Variants in IGF2BP3 observed in about 807,000 individuals in gnomAD.
IGF2BP3 encodes insulin-like growth factor 2 mRNA-binding protein 3.
Under a neutral mutation model 73.8 loss-of-function variants are expected in IGF2BP3, and 9 were observed. The ratio of observed to expected loss-of-function variants is 0.12; its 90% CI spans 0.07 to 0.21. The LOEUF is 0.21. Ranked by LOEUF, IGF2BP3 falls within the 10% of genes least tolerant of loss-of-function variation. The probability of loss-of-function intolerance (pLI) is 1.00; values close to 1 mark genes in which losing one functional copy is unlikely to be tolerated. For missense variants in IGF2BP3, 542 were observed against 714.0 expected, an observed-to-expected ratio of 0.76 and a Z score of 2.75; for synonymous variants, 258 against 256.7, an observed-to-expected ratio of 1.01 and a Z score of -0.05.
chr7:23,334,748 A>G (rs1459711673), intron 10 of IGF2BP3, among the ~76,000 whole-genome samples: 2 of 152,212 alleles, frequency 1.3e-5, no homozygotes, highest in Non-Finnish European at 2.9e-5. Context: ...TGCTCAACTG[A>G]AAGTTTGCAT....
At chr7:23,420,397 G>T (rs1360407352) in intron 2 of IGF2BP3, among the ~76,000 whole-genome samples, 1 of 152,132 alleles carries the variant, frequency 6.6e-6, no homozygotes, top group Admixed American at 6.5e-5. Flanking sequence ...AGGATTGCTT[G>T]AGACCAGGAG....
At chr7:23,420,325 T>A (rs1215765636) in intron 2 of IGF2BP3, among the ~76,000 whole-genome samples, 1 of 151,858 alleles carries the variant, frequency 6.6e-6, no homozygotes, top group Non-Finnish European at 1.5e-5. Flanking sequence ...AAAATTTTTT[T>A]AAACTAGCTG....
At chr7:23,401,294 T>G (rs1489790297) in intron 3 of IGF2BP3, among the ~76,000 whole-genome samples, 1 of 152,106 alleles carries the variant, frequency 6.6e-6, no homozygotes, top group East Asian at 1.9e-4. Context: ...GCGGGCCCCC[T>G]GCTGAGGGGG....
chr7:23,337,088 G>C lies in IGF2BP3; in HGVS notation c.1203+4976C>G, dbSNP rs145354423. Among the ~76,000 whole-genome samples the C allele has an allele frequency of 2.3e-3, 345 of 152,318 alleles. 7 individuals are homozygous for C. In the East Asian group the frequency reaches 0.037, roughly 16 times the overall value. On this transcript the variant is annotated intron_variant, in intron 10 of 14. Coordinates refer to ENST00000258729, the MANE Select transcript of IGF2BP3 (RefSeq NM_006547.3). ...GTACACAAAATAGTTAAGTATTAGTGATTTCGGTTTAGAAAAAGAACAAAG... is the reference window on the plus strand; with the variant it reads ...GTACACAAAATAGTTAAGTATTAGTCATTTCGGTTTAGAAAAAGAACAAAG...
At chr7:23,421,450 T>C (rs538760466) in intron 2 of IGF2BP3, among the ~76,000 whole-genome samples, 13 of 151,904 alleles carry the variant, frequency 8.6e-5, no homozygotes, top group African/African-American at 3.1e-4. Flanking sequence ...CCCGGCACTT[T>C]GGGAGGCTGA....
intron 6 of IGF2BP3, among the ~76,000 whole-genome samples, chr7:23,348,752 G>A (rs993764277): frequency 6.6e-6 from 1 of 152,130 alleles, no homozygotes; most frequent in Non-Finnish European, 1.5e-5. Context: ...AAATGTCTAC[G>A]GGGGTTGGGG....
intron 10 of IGF2BP3, among the ~76,000 whole-genome samples, chr7:23,336,555 G>C (rs539015500): frequency 5.3e-5 from 8 of 151,824 alleles, no homozygotes; most frequent in East Asian, 3.9e-4. Context: ...ACCCAGGCGG[G>C]AGTGCAGTGG....
intron 9 of IGF2BP3, 147 bp downstream of exon 9, chr7:23,343,571 T>C (rs892006063): frequency 1.4e-6 from 1 of 704,450 alleles, no homozygotes; most frequent in Admixed American, 2.5e-5. Flanking sequence ...TCTTCCCTAC[T>C]ATCCCAGGGT....
At chr7:23,317,959 C>T in intron 11 of IGF2BP3, 1 of 525,574 alleles carries the variant, frequency 1.9e-6, no homozygotes, top group South Asian at 2.7e-5. Context: ...AGCTAATCCT[C>T]ACCACGTCCT....
intron 2 of IGF2BP3, among the ~76,000 whole-genome samples, chr7:23,420,008 G>C (rs1787299076): frequency 6.6e-6 from 1 of 152,156 alleles, no homozygotes; most frequent in Non-Finnish European, 1.5e-5. Context: ...GGAAGGAAGA[G>C]GGCGACACAT....
chr7:23,370,361 T>C (rs1441956177), intron 3 of IGF2BP3, among the ~76,000 whole-genome samples: 1 of 152,234 alleles, frequency 6.6e-6, no homozygotes, highest in Non-Finnish European at 1.5e-5. Context: ...TTATCATACA[T>C]ACGATCTTAG....
At chr7:23,327,392 T>C (rs1335870369) in intron 10 of IGF2BP3, among the ~76,000 whole-genome samples, 1 of 151,514 alleles carries the variant, frequency 6.6e-6, no homozygotes, top group Non-Finnish European at 1.5e-5. Flanking sequence ...GCCATTCTCC[T>C]GCCTCAGCCT....
intron 9 of IGF2BP3, among the ~76,000 whole-genome samples, chr7:23,342,768 C>T (rs947528893): frequency 2.6e-5 from 4 of 152,016 alleles, no homozygotes; most frequent in South Asian, 2.1e-4. Flanking sequence ...GGGTTGAGGA[C>T]GTAATGTAGA....
chr7:23,378,658 C>A (rs1785808470), intron 3 of IGF2BP3, among the ~76,000 whole-genome samples: 1 of 147,770 alleles, frequency 6.8e-6, no homozygotes, highest in African/African-American at 2.5e-5. Context: ...ACTGCCACCT[C>A]CGCCTCCCAG....
At chr7:23,329,472 G>T (rs1359621177) in intron 10 of IGF2BP3, among the ~76,000 whole-genome samples, 1 of 152,104 alleles carries the variant, frequency 6.6e-6, no homozygotes, top group East Asian at 1.9e-4. Context: ...CACGTTCTTA[G>T]AAGTAGAACT....
intron 6 of IGF2BP3, 76 bp from the exon 7 acceptor site, chr7:23,347,810 T>C: frequency 1.9e-6 from 3 of 1,572,596 alleles, no homozygotes; most frequent in East Asian, 2.2e-5. Context: ...AATTACCAAA[T>C]GCAAAGTCAT....
intron 10 of IGF2BP3, among the ~76,000 whole-genome samples, chr7:23,334,699 G>A (rs773308218): frequency 6.6e-6 from 1 of 152,228 alleles, no homozygotes; most frequent in South Asian, 2.1e-4. Context: ...CTTCTTGGCA[G>A]ACTCTCAACT....
intron 2 of IGF2BP3, among the ~76,000 whole-genome samples, chr7:23,457,619 CTA>C (rs1332273552): frequency 6.6e-6 from 1 of 152,010 alleles, no homozygotes; most frequent in Non-Finnish European, 1.5e-5. Context: ...CTATTTGTAC[CTA>C]CATTGAAGAT....
At chr7:23,440,928 T>C (rs1279353890) in intron 2 of IGF2BP3, among the ~76,000 whole-genome samples, 1 of 152,200 alleles carries the variant, frequency 6.6e-6, no homozygotes, top group Non-Finnish European at 1.5e-5. Context: ...CTCTATAGAT[T>C]TATCTATCAG....
Sources: gnomAD v4.1 joint callset for allele counts (sites outside exome capture counted in the v4.1 genomes callset) on GRCh38, gnomAD v4.1.1 for gene constraint, MANE v1.5 for transcripts, NCBI Gene and HGNC (gene_info 2026-07-23, HGNC 2026-07-21) for gene names.